OSBPL1A: variants seen among roughly 807,000 people sequenced by gnomAD.
OSBPL1A encodes the protein oxysterol binding protein like 1A, also known as oxysterol-binding protein-related protein 1.
Under a neutral mutation model 137.1 loss-of-function variants are expected in OSBPL1A, and 80 were observed. The observed-to-expected ratio is 0.58, with a 90% CI of 0.49 to 0.70. The LOEUF (loss-of-function observed/expected upper bound fraction) is 0.70. Ranked by LOEUF, OSBPL1A falls within the 30% of genes least tolerant of loss-of-function variation. The probability of loss-of-function intolerance (pLI) is 0.00; values close to 1 mark genes in which losing one functional copy is unlikely to be tolerated. For synonymous variants in OSBPL1A, 365 were observed against 389.7 expected, an observed-to-expected ratio of 0.94 and a Z score of 0.75; for missense variants, 970 against 1,129.4, an observed-to-expected ratio of 0.86 and a Z score of 2.02.
At chr18:24,267,868 G>A (rs147554968) in intron 15 of OSBPL1A, among the ~76,000 whole-genome samples, 1 of 148,424 alleles carries the variant, frequency 6.7e-6, no homozygotes, top group Non-Finnish European at 1.5e-5. Flanking sequence ...TTAAATCAGG[G>A]ATGAACATGA....
intron 15 of OSBPL1A, among the ~76,000 whole-genome samples, chr18:24,248,637 A>C (rs549327206): frequency 6.6e-6 from 1 of 152,228 alleles, no homozygotes; most frequent in South Asian, 2.1e-4. Context: ...TTCTGCTAAC[A>C]ATCTGTTAGA....
chr18:24,315,581 A>G (rs1468307357), intron 11 of OSBPL1A, among the ~76,000 whole-genome samples: 1 of 96,830 alleles, frequency 1.0e-5, no homozygotes, highest in African/African-American at 4.2e-5. Context: ...ATTATATATT[A>G]TAATCATATT....
intron 2 of OSBPL1A, among the ~76,000 whole-genome samples, chr18:24,373,784 C>T (rs1012447566): frequency 6.6e-6 from 1 of 152,148 alleles, no homozygotes; most frequent in African/African-American, 2.4e-5. Flanking sequence ...GAACCCCCCA[C>T]ATGGAAACAC....
intron 4 of OSBPL1A, among the ~76,000 whole-genome samples, chr18:24,356,376 G>A (rs1041313878): frequency 6.6e-6 from 1 of 152,122 alleles, no homozygotes; most frequent in South Asian, 2.1e-4. Flanking sequence ...CTATACAGTG[G>A]AGAAAGCGGA....
chr18:24,224,996 T>C (rs768959480), intron 17 of OSBPL1A, 46 bp downstream of exon 17: 1 of 1,609,124 alleles, frequency 6.2e-7, no homozygotes, highest in South Asian at 1.1e-5. Flanking sequence ...CCAAATGTAC[T>C]TTATCGTAAA....
At chr18:24,330,616 C>T (rs1396990756) in intron 7 of OSBPL1A, among the ~76,000 whole-genome samples, 1 of 151,792 alleles carries the variant, frequency 6.6e-6, no homozygotes, top group Non-Finnish European at 1.5e-5. Context: ...TCCTGAGTAG[C>T]TGGGGCTACA....
In OSBPL1A at chr18:24,268,657, C is replaced by T. The variant is rs1026432994; in HGVS notation, c.1281+12185G>A. On this transcript the variant is annotated intron_variant, in intron 15 of 27. Coordinates refer to ENST00000319481, the MANE Select transcript of OSBPL1A (RefSeq NM_080597.4). ...GGGCAGCTTGTCTCCCTTGATCTCCCCTGTTCTAGAGTTCCTCCTGCCTCT... is the reference window on the plus strand; with the variant it reads ...GGGCAGCTTGTCTCCCTTGATCTCCTCTGTTCTAGAGTTCCTCCTGCCTCT... 3.9e-5 allele frequency among the ~76,000 whole-genome samples: 6 copies of T among 152,068 alleles called. No individual in the cohort carries two copies. The East Asian group carries it at 7.7e-4, about 20-fold the overall frequency.
intron 15 of OSBPL1A, among the ~76,000 whole-genome samples, chr18:24,268,389 C>G (rs275877): frequency 0.11 from 16,389 of 152,008 alleles, 1,179 homozygotes; most frequent in African/African-American, 0.2. Context: ...CAAAATGCTG[C>G]GATTACAGGT....
chr18:24,255,344 T>C (rs939370935), intron 15 of OSBPL1A, among the ~76,000 whole-genome samples: 2 of 152,180 alleles, frequency 1.3e-5, no homozygotes, highest in Non-Finnish European at 2.9e-5. Flanking sequence ...TCCAAACTTA[T>C]TGCATTACAG....
intron 1 of OSBPL1A, among the ~76,000 whole-genome samples, chr18:24,395,671 A>G (rs929659577): frequency 6.6e-6 from 1 of 151,466 alleles, no homozygotes; most frequent in African/African-American, 2.4e-5. Context: ...CCCAGGCTGC[A>G]GTGCAACAGC....
intron 5 of OSBPL1A, among the ~76,000 whole-genome samples, chr18:24,340,521 C>T (rs1477464376): frequency 1.3e-5 from 2 of 151,636 alleles, no homozygotes; most frequent in African/African-American, 2.4e-5. Flanking sequence ...AAATAAATAG[C>T]GAGCCAGGCA....
chr18:24,255,782 A>T (rs2089255128), intron 15 of OSBPL1A, among the ~76,000 whole-genome samples: 1 of 124,562 alleles, frequency 8.0e-6, no homozygotes, highest in Non-Finnish European at 1.8e-5. Context: ...TTTGAGATGG[A>T]GTCTCGCTCT....
intron 14 of OSBPL1A, among the ~76,000 whole-genome samples, chr18:24,290,178 G>A (rs2090150003): frequency 6.6e-6 from 1 of 152,018 alleles, no homozygotes; most frequent in South Asian, 2.1e-4. Context: ...AGGCTGATGG[G>A]ACCATCTCTC....
At chr18:24,189,612 G>A (rs958469405) in intron 18 of OSBPL1A, among the ~76,000 whole-genome samples, 1 of 152,204 alleles carries the variant, frequency 6.6e-6, no homozygotes, top group African/African-American at 2.4e-5. Flanking sequence ...TGAGGGCATC[G>A]CAGGGCCAAA....
At chr18:24,346,278 C>A in intron 4 of OSBPL1A, among the ~76,000 whole-genome samples, 1 of 152,292 alleles carries the variant, frequency 6.6e-6, no homozygotes. Context: ...GAAAAATCCT[C>A]ATGCCCAGAT....
At chr18:24,196,078 G>T (rs375719489) in intron 18 of OSBPL1A, 47 bp downstream of exon 18, 1 of 1,407,216 alleles carries the variant, frequency 7.1e-7, no homozygotes, top group Non-Finnish European at 1.0e-6. Context: ...AAGAATATGC[G>T]ATTAAACATA....
At position 24,225,156 on chromosome 18, in the gene OSBPL1A, G is replaced by C; in HGVS notation, c.1487C>G (p.Thr496Arg). 1.2e-6 allele frequency: 2 copies of C among 1,614,132 alleles called. No homozygotes were observed. Among genetic ancestry groups the C allele is most frequent in the Non-Finnish European group, 1.7e-6 (2 of 1,180,002 alleles). Residue 496 changes from threonine to arginine, a missense_variant, in exon 17 of 28, where the codon ACA (threonine) becomes AGA (arginine). Physicochemically the swap from Thr to Arg is moderately conservative, Grantham distance 71 (BLOSUM62 -1). This residue lies in a region of OSBPL1A where 647 missense variants were observed against 672.6 expected (regional missense o/e 0.96). Coordinates refer to ENST00000319481, the MANE Select transcript of OSBPL1A (RefSeq NM_080597.4). The part of the protein sequence containing the change: ...ERSLSRLEAV[T>R]ARSFEEEGEH... Reference sequence around the variant, plus strand: ...TCCTTCCTCTTCAAAGGAGCGTGCTGTCACTGCTTCCAATCTACTCAGGGA... The same window carrying C: ...TCCTTCCTCTTCAAAGGAGCGTGCTCTCACTGCTTCCAATCTACTCAGGGA...
intron 1 of OSBPL1A, among the ~76,000 whole-genome samples, chr18:24,378,605 C>T (rs189696577): frequency 2.6e-5 from 4 of 152,326 alleles, no homozygotes; most frequent in East Asian, 3.9e-4. Context: ...TTAGAAACCA[C>T]TCCATGTCAT....
At chr18:24,369,534 T>C (rs532959668) in intron 2 of OSBPL1A, among the ~76,000 whole-genome samples, 26 of 152,254 alleles carry the variant, frequency 1.7e-4, no homozygotes, top group African/African-American at 6.3e-4. Flanking sequence ...CTACTGTAGA[T>C]AGCAGTACCT....
Sources: allele counts gnomAD v4.1 joint callset (sites outside exome capture counted in the v4.1 genomes callset), GRCh38; gene constraint gnomAD v4.1.1; regional missense constraint gnomAD v4.1.1; transcripts MANE v1.5; gene names NCBI Gene and HGNC (gene_info 2026-07-23, HGNC 2026-07-21).